The following SEMA5A variants were observed in gnomAD, a reference collection of about 807,000 sequenced individuals.
The protein encoded by SEMA5A is semaphorin 5A, also known as semaphorin-5A.
A neutral mutation model predicts 135.5 loss-of-function variants in SEMA5A; 55 were observed. That is an observed-to-expected ratio of 0.41 (90% CI 0.33 to 0.51). The LOEUF (loss-of-function observed/expected upper bound fraction) is 0.51, where lower values mean the gene tolerates loss of function less well. SEMA5A is among the 20% of genes least tolerant of loss of function. SEMA5A has a pLI of 0.37. For missense variants in SEMA5A, 1,290 were observed against 1,419.9 expected, an observed-to-expected ratio of 0.91 and a Z score of 1.47; for synonymous variants, 580 against 546.5, an observed-to-expected ratio of 1.06 and a Z score of -0.85.
intron 1 of SEMA5A, among the ~76,000 whole-genome samples, chr5:9,450,728 A>C (rs1204253910): frequency 6.6e-6 from 1 of 152,078 alleles, no homozygotes; most frequent in Non-Finnish European, 1.5e-5. Context: ...CTAAAATAAA[A>C]GTGAAGTTAT....
At chr5:9,177,419 A>G (rs1297334506) in intron 11 of SEMA5A, among the ~76,000 whole-genome samples, 1 of 152,212 alleles carries the variant, frequency 6.6e-6, no homozygotes, top group Non-Finnish European at 1.5e-5. Flanking sequence ...CTATCCCAAT[A>G]TGCCTGAGGT....
At chr5:9,239,154 A>G (rs1371990191) in intron 5 of SEMA5A, among the ~76,000 whole-genome samples, 1 of 152,180 alleles carries the variant, frequency 6.6e-6, no homozygotes, top group Non-Finnish European at 1.5e-5. Flanking sequence ...ATATGAGTCC[A>G]TAAGAAAAGT....
chr5:9,339,804 C>A (rs1157519158), intron 3 of SEMA5A, among the ~76,000 whole-genome samples: 1 of 152,100 alleles, frequency 6.6e-6, no homozygotes, highest in Non-Finnish European at 1.5e-5. Context: ...GAGCAGATGT[C>A]TTTGGAATAT....
intron 1 of SEMA5A, among the ~76,000 whole-genome samples, chr5:9,538,840 G>A (rs921544541): frequency 2.0e-5 from 3 of 152,190 alleles, no homozygotes; most frequent in African/African-American, 7.2e-5. Flanking sequence ...TACAAGTAAT[G>A]TAAACACAGA....
At chr5:9,326,408 G>A (rs1752876626) in intron 4 of SEMA5A, among the ~76,000 whole-genome samples, 1 of 152,100 alleles carries the variant, frequency 6.6e-6, no homozygotes, top group African/African-American at 2.4e-5. Flanking sequence ...GCGCCACCAT[G>A]CCCAGCTAAT....
At chr5:9,198,224 C>T (rs555665232) in intron 9 of SEMA5A, among the ~76,000 whole-genome samples, 3 of 152,304 alleles carry the variant, frequency 2.0e-5, no homozygotes, top group African/African-American at 7.2e-5. Flanking sequence ...AACTGAAATA[C>T]CTACCTTATA....
At chr5:9,304,084 A>G (rs1751744225) in intron 5 of SEMA5A, among the ~76,000 whole-genome samples, 1 of 152,138 alleles carries the variant, frequency 6.6e-6, no homozygotes, top group African/African-American at 2.4e-5. Context: ...TGTTGTTTTC[A>G]TTTCTTAGAC....
rs1034826584 is a variant in SEMA5A, at chr5:9,294,079, T to C, written c.270+24293A>G. 2.7e-5 allele frequency among the ~76,000 whole-genome samples: 4 copies of C among 148,750 alleles called. No homozygotes were observed. In the South Asian group the frequency reaches 8.7e-4, roughly 32 times the overall value. On this transcript the variant is annotated intron_variant, in intron 5 of 22. Coordinates refer to ENST00000382496, the MANE Select transcript of SEMA5A (RefSeq NM_003966.3). ...TTTAATTAAAGGAAAAAGAGAGACA[T>C]GAAAATGAAACAGGGAACAAAAGCT...
At chr5:9,421,633 T>C (rs981504433) in intron 2 of SEMA5A, among the ~76,000 whole-genome samples, 16 of 152,326 alleles carry the variant, frequency 1.1e-4, no homozygotes, top group African/African-American at 3.6e-4. Flanking sequence ...AATTCATGTT[T>C]CCATCAGTCA....
chr5:9,207,068 C>A (rs1264217404), intron 8 of SEMA5A, among the ~76,000 whole-genome samples: 3 of 131,208 alleles, frequency 2.3e-5, no homozygotes, highest in Admixed American at 8.2e-5. Context: ...TTCTGTTGAA[C>A]AGAACTTCAC....
intron 2 of SEMA5A, among the ~76,000 whole-genome samples, chr5:9,425,867 T>G (rs1421461490): frequency 6.6e-6 from 1 of 152,166 alleles, no homozygotes; most frequent in African/African-American, 2.4e-5. Flanking sequence ...CATGCTGCAT[T>G]AAGAAGTTAT....
intron 8 of SEMA5A, among the ~76,000 whole-genome samples, chr5:9,215,914 G>A (rs73046643): frequency 0.029 from 4,461 of 151,734 alleles, 236 homozygotes; most frequent in African/African-American, 0.1. Flanking sequence ...GATTTTGATT[G>A]TTTGTTGTCT....
At chr5:9,217,760 T>C (rs543045665) in intron 8 of SEMA5A, among the ~76,000 whole-genome samples, 1 of 152,344 alleles carries the variant, frequency 6.6e-6, no homozygotes, top group East Asian at 1.9e-4. Flanking sequence ...TGAGATTCTT[T>C]CCTCAGCTTG....
intron 16 of SEMA5A, among the ~76,000 whole-genome samples, chr5:9,070,089 G>T (rs1451078875): frequency 6.6e-6 from 1 of 152,248 alleles, no homozygotes; most frequent in Middle Eastern, 3.4e-3. Flanking sequence ...CATGCAGCTC[G>T]GCCATGCGTG....
intron 1 of SEMA5A, among the ~76,000 whole-genome samples, chr5:9,519,059 A>T (rs1394066929): frequency 6.6e-6 from 1 of 152,308 alleles, no homozygotes; most frequent in Admixed American, 6.5e-5. Context: ...TCTTCCCAGC[A>T]TATTTATGTG....
At chr5:9,044,174 A>G (rs1014890383) in intron 22 of SEMA5A, among the ~76,000 whole-genome samples, 199 bp downstream of exon 22, 2 of 152,188 alleles carry the variant, frequency 1.3e-5, no homozygotes, top group Non-Finnish European at 2.9e-5. Context: ...CTAAGAGACA[A>G]GTATGGACAT....
At chr5:9,432,925 A>T (rs531076332) in intron 2 of SEMA5A, among the ~76,000 whole-genome samples, 9 of 152,344 alleles carry the variant, frequency 5.9e-5, no homozygotes, top group African/African-American at 2.2e-4. Flanking sequence ...AATGAAATAT[A>T]GTTGTTAAAA....
chr5:9,440,103 G>C (rs1039455268), intron 1 of SEMA5A, among the ~76,000 whole-genome samples: 1 of 152,258 alleles, frequency 6.6e-6, no homozygotes, highest in Non-Finnish European at 1.5e-5. Flanking sequence ...GCCTGGGAAC[G>C]TGCACTCAGG....
chr5:9,408,441 C>T (rs949204549), intron 2 of SEMA5A, among the ~76,000 whole-genome samples: 1 of 152,120 alleles, frequency 6.6e-6, no homozygotes, highest in Non-Finnish European at 1.5e-5. Flanking sequence ...TCTTAGGTTA[C>T]CAACTTATTA....
Sources: allele counts gnomAD v4.1 joint callset (sites outside exome capture counted in the v4.1 genomes callset), GRCh38; gene constraint gnomAD v4.1.1; transcripts MANE v1.5; gene names NCBI Gene and HGNC (gene_info 2026-07-23, HGNC 2026-07-21).